PTPN14: variants seen among roughly 807,000 people sequenced by gnomAD.
PTPN14 encodes the protein protein tyrosine phosphatase non-receptor type 14, also known as tyrosine-protein phosphatase non-receptor type 14.
In PTPN14, 53 loss-of-function variants were observed where a neutral mutation model predicts 126.8. The ratio of observed to expected loss-of-function variants is 0.42; its 90% CI spans 0.34 to 0.53. PTPN14 has a LOEUF of 0.53. Among genes scored for constraint, PTPN14 ranks in the 20% least tolerant of loss-of-function variants. The pLI is 0.08. For missense variants in PTPN14, 1,257 were observed against 1,552.9 expected (o/e 0.81, Z 3.20); for synonymous variants, 630 against 599.3 (o/e 1.05, Z -0.75).
At chr1:214,469,362 C>T (rs1421773315) in intron 1 of PTPN14, among the ~76,000 whole-genome samples, 1 of 152,176 alleles carries the variant, frequency 6.6e-6, no homozygotes, top group Non-Finnish European at 1.5e-5. Flanking sequence ...ATAGGAATAC[C>T]TCTGCTTTGT....
chr1:214,409,966 A>G (rs1659263878), intron 5 of PTPN14, among the ~76,000 whole-genome samples: 1 of 152,106 alleles, frequency 6.6e-6, no homozygotes, highest in South Asian at 2.1e-4. Context: ...AGAAATGTCT[A>G]TTCAGGTCCC....
At chr1:214,544,201 G>A (rs772475196) in intron 1 of PTPN14, among the ~76,000 whole-genome samples, 3 of 152,228 alleles carry the variant, frequency 2.0e-5, no homozygotes, top group Non-Finnish European at 4.4e-5. Flanking sequence ...CAAAGTAGGA[G>A]GATCGCTTGA....
At chr1:214,464,596 CGCGCACAT>C (rs767615700) in intron 2 of PTPN14, 26 bp downstream of exon 2, 5 of 1,604,438 alleles carry the variant, frequency 3.1e-6, no homozygotes, top group South Asian at 1.1e-5. Flanking sequence ...CACGCATGCA[CGCGCACAT>C]GCGCACACAG....
chr1:214,393,019 C>G (rs1003108172), intron 10 of PTPN14, among the ~76,000 whole-genome samples: 1 of 152,178 alleles, frequency 6.6e-6, no homozygotes, highest in Non-Finnish European at 1.5e-5. Flanking sequence ...AGCTGAGGAA[C>G]GTCTTTTGAA....
At chr1:214,434,821 T>C (rs2102612855) in intron 3 of PTPN14, among the ~76,000 whole-genome samples, 1 of 152,220 alleles carries the variant, frequency 6.6e-6, no homozygotes, top group East Asian at 1.9e-4. Context: ...ACATGTTTAG[T>C]GGAGGATGTG....
At chr1:214,498,218 A>G (rs1014172706) in intron 1 of PTPN14, among the ~76,000 whole-genome samples, 1 of 152,162 alleles carries the variant, frequency 6.6e-6, no homozygotes, top group Non-Finnish European at 1.5e-5. Context: ...CAAAGCCAAG[A>G]GTTAAGCTCC....
chr1:214,392,754 C>T (rs574860156), intron 10 of PTPN14, among the ~76,000 whole-genome samples: 90 of 152,236 alleles, frequency 5.9e-4, no homozygotes, highest in African/African-American at 2.1e-3. Context: ...ACTTTCAGAC[C>T]CCGACAGTGA....
Position 214,356,637 on chromosome 1 carries a change from G to A in PTPN14, c.*1285C>T, listed in dbSNP as rs545508878. The A allele has an allele frequency of 6.6e-6, 1 of 152,346 alleles. No homozygotes were observed. The highest frequency in any genetic ancestry group is 2.1e-4 in the South Asian group (1 of 4,826). The allele number at this position is 152,346 out of a possible 1,614,324, so 9.4% of individuals were successfully genotyped here. On this transcript the variant is annotated 3_prime_UTR_variant, in exon 19 of 19. Coordinates refer to ENST00000366956, the MANE Select transcript of PTPN14 (RefSeq NM_005401.5). ...AGCGAGTGGATTTTATGAAGAAAAG[G>A]AAAGAAGCACAGGGCTCTGCCAATG...
At chr1:214,516,441 A>G (rs1194020555) in intron 1 of PTPN14, among the ~76,000 whole-genome samples, 1 of 152,218 alleles carries the variant, frequency 6.6e-6, no homozygotes, top group Non-Finnish European at 1.5e-5. Context: ...TAAAAGAGTC[A>G]TCACTGTGCA....
chr1:214,373,154 A>G (rs1658259208), intron 15 of PTPN14, among the ~76,000 whole-genome samples: 1 of 152,196 alleles, frequency 6.6e-6, no homozygotes, highest in African/African-American at 2.4e-5. Flanking sequence ...TCCTGGGTTC[A>G]AGCAATTCTC....
At chr1:214,382,180 C>T (rs947333355) in intron 13 of PTPN14, among the ~76,000 whole-genome samples, 2 of 152,162 alleles carry the variant, frequency 1.3e-5, no homozygotes, top group Admixed American at 6.5e-5. Context: ...GGATTACAGG[C>T]GTGAGCCACA....
At chr1:214,499,589 AATTTT>A (rs1388882829) in intron 1 of PTPN14, among the ~76,000 whole-genome samples, 2 of 152,156 alleles carry the variant, frequency 1.3e-5, no homozygotes, top group Non-Finnish European at 2.9e-5. Flanking sequence ...AACATAATTT[AATTTT>A]AACACATTGT....
In PTPN14 at chr1:214,381,321, C is replaced by T. The variant is rs1658467269; in HGVS notation, c.2544+1990G>A. ...TGCTTAGACTGATAGGTTCTTGATG[C>T]TAATGTTGCTTTTAAGTGGTCTGGA... On this transcript the variant is annotated intron_variant, in intron 13 of 18. Transcript: ENST00000366956. 2.6e-5 allele frequency among the ~76,000 whole-genome samples: 4 copies of T among 152,252 alleles called. No individual in the cohort carries two copies. The South Asian group carries it at 8.3e-4, about 32-fold the overall frequency.
At chr1:214,543,761 G>A (rs951037597) in intron 1 of PTPN14, among the ~76,000 whole-genome samples, 1 of 151,980 alleles carries the variant, frequency 6.6e-6, no homozygotes, top group African/African-American at 2.4e-5. Context: ...TGGGACTACA[G>A]GTGCACGCCA....
chr1:214,449,011 CTTT>C lies in PTPN14; in HGVS notation c.344+2791_344+2793del, dbSNP rs71165970. On this transcript the variant is annotated intron_variant, in intron 3 of 18. Transcript: ENST00000366956. The stretch of plus-strand genomic sequence containing the variant: ...TGTGCCCTTGTAAGACTTAATTTTT[CTTT>C]TTTTTTTTTTGAGACGGAGTCTCAC... Among the ~76,000 whole-genome samples, 4 of 112,436 alleles carry C rather than the reference CTTT, an allele frequency of 3.6e-5. 1 individual carries two copies. The highest frequency in any genetic ancestry group is 2.0e-4 in the Admixed American group (2 of 9,994). 73.8% of individuals were successfully genotyped at this position (112,436 alleles called of 152,430 possible). A position where few individuals can be genotyped will look rare whatever the true frequency, so the allele number is the denominator to read the frequency against.
At chr1:214,446,895 G>C (rs1045805246) in intron 3 of PTPN14, among the ~76,000 whole-genome samples, 5 of 152,184 alleles carry the variant, frequency 3.3e-5, no homozygotes, top group African/African-American at 1.2e-4. Context: ...AGTTTGGTTG[G>C]CTCCAGACAA....
intron 3 of PTPN14, among the ~76,000 whole-genome samples, chr1:214,443,605 G>A (rs1182308622): frequency 6.6e-6 from 1 of 152,076 alleles, no homozygotes; most frequent in African/African-American, 2.4e-5. Flanking sequence ...GCATGTATGA[G>A]GAACAGGAGG....
chr1:214,487,423 C>T (rs1447733109), intron 1 of PTPN14, among the ~76,000 whole-genome samples: 1 of 152,056 alleles, frequency 6.6e-6, no homozygotes, highest in Non-Finnish European at 1.5e-5. Context: ...GTCAGGAGTT[C>T]GAGACCAGCC....
intron 2 of PTPN14, among the ~76,000 whole-genome samples, chr1:214,454,965 C>T (rs1660351705): frequency 2.0e-5 from 3 of 152,194 alleles, no homozygotes; most frequent in African/African-American, 7.2e-5. Flanking sequence ...TCCATCCCCA[C>T]CCTGATTTTT....
Sources: gnomAD v4.1 joint callset for allele counts (sites outside exome capture counted in the v4.1 genomes callset) on GRCh38, gnomAD v4.1.1 for gene constraint, MANE v1.5 for transcripts, NCBI Gene and HGNC (gene_info 2026-07-23, HGNC 2026-07-21) for gene names.